Variants in RNF152 observed in about 807,000 individuals in gnomAD.
The protein encoded by RNF152 is E3 ubiquitin-protein ligase RNF152.
RNF152 carries 11 observed loss-of-function variants against 12.7 expected under a neutral mutation model. The observed-to-expected ratio is 0.86, with a 90% CI of 0.54 to 1.43. The LOEUF is 1.43. Among genes scored for constraint, RNF152 ranks in the 40% most tolerant of loss-of-function variants. RNF152 has a pLI of 0.00. For missense variants in RNF152, 255 were observed against 274.8 expected (o/e 0.93, Z 0.51); for synonymous variants, 113 against 120.3 (o/e 0.94, Z 0.40).
intron 1 of RNF152, among the ~76,000 whole-genome samples, chr18:61,872,972 C>A (rs1011995613): frequency 6.6e-6 from 1 of 152,084 alleles, no homozygotes; most frequent in Non-Finnish European, 1.5e-5. Context: ...TTGGTTGGTA[C>A]TTTTCAATAA....
In RNF152 at chr18:61,832,291, A is replaced by G. The variant is rs1599275218; in HGVS notation, c.-135-15693T>C. Among the ~76,000 whole-genome samples the G allele has an allele frequency of 2.0e-5, 3 of 152,312 alleles. No individual in the cohort carries two copies. In the South Asian group the frequency reaches 6.2e-4, roughly 32 times the overall value. ...TCTGTACTGCTGTTATTCACAGTAT[A>G]TGGATTTTTGTTTTTGTTTTAAGCG... On this transcript the variant is annotated intron_variant, in intron 1 of 1. Coordinates refer to ENST00000312828, the MANE Select transcript of RNF152 (RefSeq NM_173557.3).
chr18:61,855,615 G>A (rs886634190), intron 1 of RNF152, among the ~76,000 whole-genome samples: 1 of 152,238 alleles, frequency 6.6e-6, no homozygotes, highest in African/African-American at 2.4e-5. Flanking sequence ...CTGTGCCAGC[G>A]CCTGGAGCTG....
intron 1 of RNF152, among the ~76,000 whole-genome samples, chr18:61,849,902 G>A (rs1664451954): frequency 1.3e-5 from 2 of 152,030 alleles, no homozygotes; most frequent in Admixed American, 6.5e-5. Flanking sequence ...CTGGCTTCTG[G>A]GTAAGTTCTA....
chr18:61,833,922 T>A (rs1029344501), intron 1 of RNF152, among the ~76,000 whole-genome samples: 1 of 152,172 alleles, frequency 6.6e-6, no homozygotes, highest in Non-Finnish European at 1.5e-5. Context: ...AAATATCAGA[T>A]GCGCTAAGAA....
At chr18:61,868,095 G>A (rs956426988) in intron 1 of RNF152, among the ~76,000 whole-genome samples, 5 of 152,098 alleles carry the variant, frequency 3.3e-5, no homozygotes, top group African/African-American at 9.7e-5. Flanking sequence ...TGTGCAGCTG[G>A]GCTTTTCCTG....
At chr18:61,843,619 C>T (rs1910551766) in intron 1 of RNF152, among the ~76,000 whole-genome samples, 1 of 152,084 alleles carries the variant, frequency 6.6e-6, no homozygotes, top group Non-Finnish European at 1.5e-5. Context: ...TATTATTCAG[C>T]CTTAAAACAG....
At chr18:61,844,330 G>A (rs1402310444) in intron 1 of RNF152, among the ~76,000 whole-genome samples, 2 of 152,200 alleles carry the variant, frequency 1.3e-5, no homozygotes, top group Non-Finnish European at 2.9e-5. Flanking sequence ...CATTTTGTAT[G>A]AAAGCCAAAG....
intron 1 of RNF152, among the ~76,000 whole-genome samples, chr18:61,870,743 G>A (rs1390668129): frequency 6.6e-6 from 1 of 152,134 alleles, no homozygotes; most frequent in Non-Finnish European, 1.5e-5. Context: ...GAAATGAAGT[G>A]AAACCCACAT....
At chr18:61,817,513 C>A (rs1015057720) in intron 1 of RNF152, among the ~76,000 whole-genome samples, 9 of 152,112 alleles carry the variant, frequency 5.9e-5, no homozygotes, top group Admixed American at 5.9e-4. Flanking sequence ...ATCAAAAATA[C>A]AGCGTTCTCA....
In RNF152 at chr18:61,811,378, T is replaced by C. The variant is rs756739457; in HGVS notation, c.*4474A>G. ...AGCTAAAAAGTAATTATTGTAGCTT[T>C]AGTAAACTTCAAGTCTTTAAATTTC... On this transcript the variant is annotated 3_prime_UTR_variant, in exon 2 of 2. Coordinates refer to ENST00000312828, the MANE Select transcript of RNF152 (RefSeq NM_173557.3). 6 of 152,354 alleles carry C rather than the reference T, an allele frequency of 3.9e-5. No homozygotes were observed. Among genetic ancestry groups the C allele is most frequent in the Non-Finnish European group, 8.8e-5 (6 of 68,030 alleles). 9.4% of individuals were successfully genotyped at this position (152,354 alleles called of 1,614,324 possible).
At chr18:61,838,088 C>G (rs1421506907) in intron 1 of RNF152, among the ~76,000 whole-genome samples, 1 of 152,190 alleles carries the variant, frequency 6.6e-6, no homozygotes, top group African/African-American at 2.4e-5. Context: ...CTTTCCCTCC[C>G]AAACCCTCAG....
At chr18:61,841,220 C>T (rs1310219410) in intron 1 of RNF152, among the ~76,000 whole-genome samples, 2 of 152,136 alleles carry the variant, frequency 1.3e-5, no homozygotes, top group East Asian at 3.9e-4. Context: ...TCCAGTTTCC[C>T]ATTAAAAGTC....
chr18:61,881,777 C>T (rs989192504), intron 1 of RNF152, among the ~76,000 whole-genome samples: 8 of 152,142 alleles, frequency 5.3e-5, no homozygotes, highest in African/African-American at 1.9e-4. Flanking sequence ...GGTTTAGCAT[C>T]TCCACGCACA....
At chr18:61,827,921 G>A (rs760165685) in intron 1 of RNF152, among the ~76,000 whole-genome samples, 10 of 152,146 alleles carry the variant, frequency 6.6e-5, no homozygotes, top group East Asian at 1.9e-4. Context: ...ATGGAACAGC[G>A]GTGCAACCCA....
In RNF152 at chr18:61,815,824, C is replaced by T; in HGVS notation, c.*28G>A. ...AACCTGCTCAACCCCTAAGTTGGCA[C>T]CCACAAGAGACTTCCCTGCAGCCCT... On this transcript the variant is annotated 3_prime_UTR_variant, in exon 2 of 2. Transcript: ENST00000312828. The T allele has an allele frequency of 6.2e-7, 1 of 1,602,008 alleles. No homozygotes were observed. Among genetic ancestry groups the T allele is most frequent in the Non-Finnish European group, 8.5e-7 (1 of 1,171,766 alleles).
intron 1 of RNF152, among the ~76,000 whole-genome samples, chr18:61,844,708 A>G (rs768505848): frequency 3.9e-5 from 6 of 152,208 alleles, no homozygotes; most frequent in Non-Finnish European, 8.8e-5. Flanking sequence ...AAGTGTAACC[A>G]TAGCACGGGT....
At chr18:61,843,978 A>T (rs145282102) in intron 1 of RNF152, among the ~76,000 whole-genome samples, 1 of 151,750 alleles carries the variant, frequency 6.6e-6, no homozygotes, top group East Asian at 1.9e-4. Context: ...ATTTTACCAC[A>T]GTAAAAATAA....
intron 1 of RNF152, among the ~76,000 whole-genome samples, chr18:61,844,086 G>GA (rs1006204684): frequency 6.3e-5 from 4 of 63,794 alleles, no homozygotes; most frequent in African/African-American, 2.1e-4. Context: ...AGGAAAGAAA[G>GA]AAAGAAAGAA....
chr18:61,833,738 T>G (rs914908078), intron 1 of RNF152, among the ~76,000 whole-genome samples: 2 of 152,310 alleles, frequency 1.3e-5, no homozygotes, highest in East Asian at 3.9e-4. Flanking sequence ...TGGATTATAA[T>G]AAGCAGATAA....
Sources: gnomAD v4.1 joint callset for allele counts (sites outside exome capture counted in the v4.1 genomes callset) on GRCh38, gnomAD v4.1.1 for gene constraint, MANE v1.5 for transcripts, NCBI Gene and HGNC (gene_info 2026-07-23, HGNC 2026-07-21) for gene names.